The following FAAH2 variants were observed in gnomAD, a reference collection of about 807,000 sequenced individuals.
FAAH2 encodes fatty-acid amide hydrolase 2.
FAAH2 carries 60 observed loss-of-function variants against 36.9 expected under a neutral mutation model. The observed-to-expected ratio is 1.63, with a 90% CI of 1.32 to 2.02. The LOEUF is 2.02. Among genes scored for constraint, FAAH2 ranks in the 30% most tolerant of loss-of-function variants. The pLI, the probability that FAAH2 is intolerant of heterozygous loss-of-function variation, is 0.00. For synonymous variants in FAAH2, 214 were observed against 143.8 expected (o/e 1.49, Z -3.49); for missense variants, 689 against 397.5 (o/e 1.73, Z -6.23).
chrX:57,384,508 G>T (rs2054956630), intron 7 of FAAH2, among the ~76,000 whole-genome samples: 1 of 110,286 alleles, frequency 9.1e-6, no homozygotes, highest in East Asian at 2.9e-4. Flanking sequence ...TCAAAAAGTG[G>T]GCAAAGGATA....
the FAAH2 span, among the ~76,000 whole-genome samples, chrX:57,264,700 A>G: frequency 8.9e-6 from 1 of 112,699 alleles, no homozygotes; most frequent in Non-Finnish European, 1.9e-5. Flanking sequence ...CCAAAAGTAC[A>G]TAAATCATTC....
rs182592606 is a variant in FAAH2 at position 57,441,218 on chromosome X, A to G, written c.1117-5710A>G. 1.9e-3 allele frequency among the ~76,000 whole-genome samples: 210 copies of G among 111,433 alleles called. 4 individuals carry two copies. The East Asian group carries it at 0.036, about 19-fold the overall frequency. On this transcript the variant is annotated intron_variant, in intron 8 of 10. Transcript: ENST00000374900. ...TTTGTACCTCTGGTAGAATTCGGCT[A>G]TGAATCTGTCTGGTTCTGGATTTTT...
chrX:57,195,686 G>A, the FAAH2 span, among the ~76,000 whole-genome samples: 1 of 112,091 alleles, frequency 8.9e-6, no homozygotes, highest in Non-Finnish European at 1.9e-5. Context: ...CTAAGCCAAT[G>A]TCTAGAAAAG....
chrX:57,372,503 G>T (rs1432673236), intron 5 of FAAH2, among the ~76,000 whole-genome samples: 3 of 109,934 alleles, frequency 2.7e-5, no homozygotes, highest in African/African-American at 9.9e-5. Flanking sequence ...GGGGTTATTT[G>T]TTTATTGCTT....
At chrX:57,432,607 A>T (rs1030091305) in intron 8 of FAAH2, among the ~76,000 whole-genome samples, 6 of 111,646 alleles carry the variant, frequency 5.4e-5, no homozygotes, top group South Asian at 7.5e-4. Context: ...TACTTGTGAA[A>T]GAAGCTTCCC....
intron 7 of FAAH2, among the ~76,000 whole-genome samples, chrX:57,412,773 G>A (rs901467014): frequency 9.0e-6 from 1 of 111,278 alleles, no homozygotes; most frequent in African/African-American, 3.3e-5. Flanking sequence ...GGTATTTCTG[G>A]TTCTAGATCC....
At chrX:57,286,230 T>C (rs1401038635), upstream of FAAH2, among the ~76,000 whole-genome samples, 2 of 112,035 alleles carry the variant, frequency 1.8e-5, no homozygotes, top group African/African-American at 3.2e-5. Context: ...AGTGATCTTA[T>C]AAGGATTAAA....
intron 3 of FAAH2, among the ~76,000 whole-genome samples, chrX:57,324,642 T>G (rs1195509624): frequency 2.1e-4 from 23 of 111,868 alleles, no homozygotes; most frequent in Admixed American, 5.7e-4. Context: ...CTCTCTGTTT[T>G]TCTGTTATTG....
chrX:57,367,556 C>A (rs1278278639), intron 5 of FAAH2, among the ~76,000 whole-genome samples: 1 of 112,579 alleles, frequency 8.9e-6, no homozygotes, highest in Non-Finnish European at 1.9e-5. Context: ...GAATAAACAA[C>A]TACATTTTAA....
chrX:57,411,022 G>T (rs1323276610), intron 7 of FAAH2, among the ~76,000 whole-genome samples: 2 of 111,583 alleles, frequency 1.8e-5, no homozygotes, highest in African/African-American at 6.5e-5. Flanking sequence ...GGCTTGGATT[G>T]TTGTCTTCAC....
chrX:57,395,279 G>A, intron 7 of FAAH2: 1 of 658,090 alleles, frequency 1.5e-6, no homozygotes, highest in Admixed American at 2.3e-5. Context: ...CATCTCTGTT[G>A]CCAACCTGTA....
At chrX:57,411,708 C>T (rs2055705174) in intron 7 of FAAH2, among the ~76,000 whole-genome samples, 1 of 111,382 alleles carries the variant, frequency 9.0e-6, no homozygotes, top group African/African-American at 3.3e-5. Flanking sequence ...GTGTCTCCAA[C>T]TTTAATTTGT....
the FAAH2 span, among the ~76,000 whole-genome samples, chrX:57,236,822 C>G: frequency 9.0e-6 from 1 of 111,098 alleles, no homozygotes; most frequent in Non-Finnish European, 1.9e-5. Context: ...TTGCTCTGTT[C>G]ATTGTATCTT....
the FAAH2 span, among the ~76,000 whole-genome samples, chrX:57,228,644 T>TA: frequency 9.0e-6 from 1 of 111,441 alleles, no homozygotes; most frequent in Admixed American, 9.5e-5. Flanking sequence ...AGCTGCAATC[T>TA]AGTCCTACCT....
chrX:57,471,455 G>T (rs781441534), intron 10 of FAAH2, among the ~76,000 whole-genome samples: 2 of 109,401 alleles, frequency 1.8e-5, no homozygotes, highest in African/African-American at 3.3e-5. Flanking sequence ...ACCCATAACA[G>T]ATAGAGAACC....
chrX:57,322,504 G>C (rs2053060379), intron 3 of FAAH2, among the ~76,000 whole-genome samples: 1 of 111,155 alleles, frequency 9.0e-6, no homozygotes, highest in African/African-American at 3.3e-5. Context: ...GAAGCATTTT[G>C]CGTGGGTTCT....
At chrX:57,430,761 AT>A (rs768464731) in intron 7 of FAAH2, among the ~76,000 whole-genome samples, 3 of 111,031 alleles carry the variant, frequency 2.7e-5, no homozygotes, top group Non-Finnish European at 5.7e-5. Context: ...TATTAAATTT[AT>A]TTTTTTTAGT....
chrX:57,438,611 A>G (rs1251145703), intron 8 of FAAH2, among the ~76,000 whole-genome samples: 1 of 109,971 alleles, frequency 9.1e-6, no homozygotes, highest in Non-Finnish European at 1.9e-5. Context: ...TATTTCTATT[A>G]TTGTTATACT....
chrX:57,467,237 G>T (rs192242543), intron 10 of FAAH2, among the ~76,000 whole-genome samples: 55 of 111,409 alleles, frequency 4.9e-4, no homozygotes, highest in Middle Eastern at 4.6e-3. Flanking sequence ...TCACTGGGGA[G>T]TGTTGGACAG....
Sources: gnomAD v4.1 joint callset for allele counts (sites outside exome capture counted in the v4.1 genomes callset) on GRCh38, gnomAD v4.1.1 for gene constraint, MANE v1.5 for transcripts, NCBI Gene and HGNC (gene_info 2026-07-23, HGNC 2026-07-21) for gene names.